The following ACSBG1 variants were observed in gnomAD, a reference collection of about 807,000 sequenced individuals.
ACSBG1 encodes the protein acyl-CoA synthetase bubblegum family member 1.
A neutral mutation model predicts 80.2 loss-of-function variants in ACSBG1; 39 were observed. That is an observed-to-expected ratio of 0.49 (90% confidence interval 0.38 to 0.64). The LOEUF (loss-of-function observed/expected upper bound fraction) is 0.64. ACSBG1 is among the 30% of genes least tolerant of loss of function. The probability of loss-of-function intolerance (pLI) is 0.00; values close to 1 mark genes in which losing one functional copy is unlikely to be tolerated. For synonymous variants in ACSBG1, 392 were observed against 379.5 expected, an observed-to-expected ratio of 1.03 and a Z score of -0.38; for missense variants, 828 against 966.4, an observed-to-expected ratio of 0.86 and a Z score of 1.90.
At chr15:78,174,205 G>A (rs1049526787) in intron 12 of ACSBG1, among the ~76,000 whole-genome samples, 180 bp downstream of exon 12, 15 of 152,194 alleles carry the variant, frequency 9.9e-5, no homozygotes, top group African/African-American at 3.4e-4. Flanking sequence ...GCTTATGTGG[G>A]ACAGAAGGAA....
intron 1 of ACSBG1, chr15:78,213,532 C>T (rs928637675): frequency 6.6e-6 from 1 of 152,604 alleles, no homozygotes; most frequent in Non-Finnish European, 1.5e-5. Context: ...TGTGGATGCC[C>T]CAGGTTCCGG....
chr15:78,211,662 T>G (rs951800086), intron 1 of ACSBG1, among the ~76,000 whole-genome samples: 2 of 152,092 alleles, frequency 1.3e-5, no homozygotes, highest in African/African-American at 2.4e-5. Context: ...GTAAGATGTG[T>G]GGGGGGCAGA....
intron 1 of ACSBG1, among the ~76,000 whole-genome samples, chr15:78,210,945 C>A (rs1425505463): frequency 2.0e-5 from 3 of 152,228 alleles, no homozygotes; most frequent in Non-Finnish European, 4.4e-5. Flanking sequence ...TCCTCTGTGA[C>A]TAGCAGTCAC....
In ACSBG1 at chr15:78,182,538, G is replaced by A. The variant is rs781112865; in HGVS notation, c.822C>T (p.Asn274=). 6.2e-7 allele frequency: 1 copy of A among 1,614,150 alleles called. No individual in the cohort carries two copies. Among genetic ancestry groups the A allele is most frequent in the Non-Finnish European group, 8.5e-7 (1 of 1,180,008 alleles). The part of the protein sequence containing the change: ...LDAIIDTQQP[N]QCCVLVYTSG... Reference sequence around the variant, plus strand: ...AAGTGTAGACTAGCACACAGCACTGGTTGGGCTGCTGGGTGTCAATGATGG... The same window carrying A: ...AAGTGTAGACTAGCACACAGCACTGATTGGGCTGCTGGGTGTCAATGATGG... Residue 274 remains asparagine, a synonymous_variant, in exon 7 of 14, where the codon AAC becomes AAT. Transcript: ENST00000258873.
At chr15:78,209,009 G>A in intron 1 of ACSBG1, 1 of 383,688 alleles carries the variant, frequency 2.6e-6, no homozygotes, top group Admixed American at 3.3e-5. Context: ...ATCCACTGGA[G>A]TTGTGCAGCA....
intron 2 of ACSBG1, among the ~76,000 whole-genome samples, chr15:78,202,156 C>T (rs1009901847): frequency 6.6e-6 from 1 of 152,110 alleles, no homozygotes; most frequent in Non-Finnish European, 1.5e-5. Flanking sequence ...AAGGTCCATT[C>T]TTCCCATTCC....
Position 78,179,489 on chromosome 15 carries a change from G to A in ACSBG1, c.1484+61C>T, listed in dbSNP as rs551256711. The A allele has an allele frequency of 2.3e-5, 34 of 1,482,518 alleles. 1 individual carries two copies. Among genetic ancestry groups the A allele is most frequent in the Middle Eastern group, 1.8e-4 (1 of 5,540 alleles). 91.8% of individuals were successfully genotyped at this position (1,482,518 alleles called of 1,614,324 possible). A position where few individuals can be genotyped will look rare whatever the true frequency, so the allele number is the denominator to read the frequency against. On this transcript the variant is annotated intron_variant, in intron 10 of 13. Transcript: ENST00000258873. ...GGGATCCCCAGGGCACTCAGCAGGC[G>A]GGCACAAAGTACCAGCAAGGGCGCA...
At chr15:78,221,666 C>T (rs1029861512) in intron 1 of ACSBG1, among the ~76,000 whole-genome samples, 2 of 152,106 alleles carry the variant, frequency 1.3e-5, no homozygotes, top group African/African-American at 2.4e-5. Context: ...TCCCATGAGG[C>T]CATATCTCAG....
In ACSBG1 at chr15:78,194,646, C is replaced by T; in HGVS notation, c.313G>A (p.Val105Met). ...AGGGCCTCGTAGAACATCCGATGCA[C>T]AGTGTAGGGAAGCTGTGGGCAGCTG... ...DPSCPQLPYT[V>M]HRMFYEALDK... The change falls in exon 3 of 14, where the codon GTG becomes ATG. Residue 105 changes from valine to methionine, a missense_variant. By Grantham distance (21) the Val-to-Met change is conservative. Transcript: ENST00000258873. 1 of 1,614,242 alleles carries T rather than the reference C, an allele frequency of 6.2e-7. No individual in the cohort carries two copies. Among genetic ancestry groups the T allele is most frequent in the Non-Finnish European group, 8.5e-7 (1 of 1,180,042 alleles).
chr15:78,179,448 G>C lies in ACSBG1; in HGVS notation c.1484+102C>G. 1.8e-6 allele frequency: 2 copies of C among 1,099,610 alleles called. 1 individual carries two copies. The highest frequency in any genetic ancestry group is 3.0e-5 in the South Asian group (2 of 66,082). 68.1% of individuals were successfully genotyped at this position (1,099,610 alleles called of 1,614,324 possible). ...GTGGCCAGGTCTCTGGGACCCAACT[G>C]GCATGCAAAGAGAAGGGGATCCCCA... On this transcript the variant is annotated intron_variant, in intron 10 of 13. Transcript: ENST00000258873.
Position 78,171,370 on chromosome 15 carries a change from A to AGAG in ACSBG1, c.*71_*73dup, listed in dbSNP as rs910402458. ...GCAGAAATGCCTGTGCCCAGACTGA[A>AGAG]GAGACCTGGGGCTCAGGAAGAGGCT... On this transcript the variant is annotated 3_prime_UTR_variant, in exon 14 of 14. Coordinates refer to ENST00000258873, the MANE Select transcript of ACSBG1 (RefSeq NM_015162.5). 7.7e-7 allele frequency: 1 copy of AGAG among 1,291,500 alleles called. No individual in the cohort carries two copies. The highest frequency in any genetic ancestry group is 1.1e-6 in the Non-Finnish European group (1 of 902,432). The allele number at this position is 1,291,500 out of a possible 1,614,324, so 80.0% of individuals were successfully genotyped here. A position where few individuals can be genotyped will look rare whatever the true frequency, so the allele number is the denominator to read the frequency against.
chr15:78,199,651 T>C (rs557143326), intron 2 of ACSBG1, among the ~76,000 whole-genome samples: 1 of 151,112 alleles, frequency 6.6e-6, no homozygotes, highest in South Asian at 2.1e-4. Flanking sequence ...CATGCCACCA[T>C]TCCCAGCTTT....
intron 1 of ACSBG1, among the ~76,000 whole-genome samples, chr15:78,225,950 G>T (rs1042860638): frequency 6.6e-6 from 1 of 152,112 alleles, no homozygotes; most frequent in African/African-American, 2.4e-5. Context: ...TGTGATTGTT[G>T]GCAGGATTCA....
In ACSBG1 at chr15:78,177,028, A is replaced by G. The variant is rs2074889200; in HGVS notation, c.1702+1586T>C. Reference sequence around the variant, plus strand: ...AATGGAGAGATTTATCATATTTGTGAATTGGAAGAGACAATACTATAAACA... The same window carrying G: ...AATGGAGAGATTTATCATATTTGTGGATTGGAAGAGACAATACTATAAACA... On this transcript the variant is annotated intron_variant, in intron 11 of 13. Transcript: ENST00000258873. This position sits in a 1 kb window ranked among gnomAD's most constrained non-coding sequence, Gnocchi z 4.1. Among the ~76,000 whole-genome samples the G allele has an allele frequency of 6.6e-6, 1 of 152,260 alleles. No homozygotes were observed. Among genetic ancestry groups the G allele is most frequent in the African/African-American group, 2.4e-5 (1 of 41,478 alleles).
intron 2 of ACSBG1, among the ~76,000 whole-genome samples, chr15:78,202,892 T>C (rs1391825138): frequency 2.0e-5 from 3 of 152,212 alleles, no homozygotes; most frequent in African/African-American, 4.8e-5. Flanking sequence ...AGCAAAGCCA[T>C]TGGAAACAAC....
At chr15:78,182,338 T>G in intron 7 of ACSBG1, 128 bp downstream of exon 7, 3 of 1,392,742 alleles carry the variant, frequency 2.2e-6, no homozygotes, top group Non-Finnish European at 2.9e-6. Flanking sequence ...TGGGCTGTTC[T>G]ACCTATCCCA....
At chr15:78,182,984 G>T in intron 5 of ACSBG1, 199 bp from the exon 6 acceptor site, 1 of 613,860 alleles carries the variant, frequency 1.6e-6, no homozygotes, top group Non-Finnish European at 2.9e-6. Context: ...GGTGGGGATA[G>T]CCAGGGGACT....
chr15:78,169,233 G>A lies in ACSBG1; in HGVS notation c.*2211C>T. ...TGTTTTATTTATTAAGTGTCTACCT[G>A]GTAAATGTTTTTTTTGTAAACTCTG... On this transcript the variant is annotated 3_prime_UTR_variant, in exon 14 of 14. Transcript: ENST00000258873. 2.9e-6 allele frequency: 1 copy of A among 342,924 alleles called. No homozygotes were observed. The highest frequency in any genetic ancestry group is 5.3e-6 in the Non-Finnish European group (1 of 190,028). 21.2% of individuals were successfully genotyped at this position (342,924 alleles called of 1,614,324 possible).
intron 2 of ACSBG1, among the ~76,000 whole-genome samples, chr15:78,198,119 C>T (rs112459071): frequency 0.029 from 4,476 of 152,286 alleles, 117 homozygotes; most frequent in Non-Finnish European, 0.046. Flanking sequence ...TCCTTGCAAC[C>T]TCCACCTCCT....
Sources: allele counts gnomAD v4.1 joint callset (sites outside exome capture counted in the v4.1 genomes callset), GRCh38; gene constraint gnomAD v4.1.1; non-coding constraint Gnocchi (gnomAD v3.1); transcripts MANE v1.5; gene names NCBI Gene and HGNC (gene_info 2026-07-23, HGNC 2026-07-21).